RIMS2: variants seen among roughly 807,000 people sequenced by gnomAD.
RIMS2 encodes the protein regulating synaptic membrane exocytosis 2.
A neutral mutation model predicts 174.4 loss-of-function variants in RIMS2; 59 were observed. The observed-to-expected ratio is 0.34, with a 90% CI of 0.27 to 0.42. RIMS2 has a LOEUF of 0.42. Ranked by LOEUF, RIMS2 falls within the 10% of genes least tolerant of loss-of-function variation. The probability of loss-of-function intolerance (pLI) is 1.00; values close to 1 mark genes in which losing one functional copy is unlikely to be tolerated. For synonymous variants in RIMS2, 606 were observed against 572.5 expected, an observed-to-expected ratio of 1.06 and a Z score of -0.84; for missense variants, 1,620 against 1,666.3, an observed-to-expected ratio of 0.97 and a Z score of 0.48.
At chr8:104,178,416 A>G (rs1169859605) in intron 19 of RIMS2, among the ~76,000 whole-genome samples, 2 of 152,102 alleles carry the variant, frequency 1.3e-5, no homozygotes, top group Non-Finnish European at 2.9e-5. Context: ...TTGTGTTTTC[A>G]GCCTCTAATC....
chr8:103,746,761 A>G (rs1591539027), intron 2 of RIMS2, among the ~76,000 whole-genome samples: 1 of 151,298 alleles, frequency 6.6e-6, no homozygotes, highest in African/African-American at 2.4e-5. Flanking sequence ...GCTCACTGCA[A>G]CCTCCGCCTC....
intron 19 of RIMS2, among the ~76,000 whole-genome samples, chr8:104,082,278 C>T (rs138815585): frequency 6.6e-6 from 1 of 152,164 alleles, no homozygotes; most frequent in Admixed American, 6.6e-5. Flanking sequence ...GGCAGGCTAG[C>T]ATATCCTTTC....
chr8:103,610,695 G>T (rs531840133), intron 1 of RIMS2, among the ~76,000 whole-genome samples: 1 of 152,278 alleles, frequency 6.6e-6, no homozygotes, highest in African/African-American at 2.4e-5. Flanking sequence ...GATTGTGGTG[G>T]AGTAGCTTTT....
downstream of RIMS2, chr8:104,252,611 A>T (rs1166547210): frequency 6.6e-6 from 1 of 151,932 alleles, no homozygotes; most frequent in Non-Finnish European, 1.5e-5. Context: ...GCATGGTTTT[A>T]AAAAGGAGAG....
At chr8:103,864,647 G>C (rs1594110645) in intron 3 of RIMS2, among the ~76,000 whole-genome samples, 1 of 152,318 alleles carries the variant, frequency 6.6e-6, no homozygotes, top group African/African-American at 2.4e-5. Flanking sequence ...AGCACTTGCT[G>C]TGTGCTAGGC....
At chr8:104,244,208 C>T (rs1326925970) in intron 19 of RIMS2, among the ~76,000 whole-genome samples, 1 of 152,078 alleles carries the variant, frequency 6.6e-6, no homozygotes, top group Non-Finnish European at 1.5e-5. Flanking sequence ...ATCACATCAC[C>T]AAACTATTAA....
At chr8:103,754,918 C>A (rs768057115) in intron 2 of RIMS2, among the ~76,000 whole-genome samples, 4 of 152,098 alleles carry the variant, frequency 2.6e-5, no homozygotes, top group Admixed American at 1.3e-4. Context: ...GCACCTTTAG[C>A]CCGTTTTACA....
chr8:103,794,633 A>C (rs2098534702), intron 3 of RIMS2, among the ~76,000 whole-genome samples: 1 of 152,230 alleles, frequency 6.6e-6, no homozygotes, highest in African/African-American at 2.4e-5. Context: ...AACCACCATC[A>C]GAGTGAAGAG....
chr8:104,211,862 G>T (rs1301052432), intron 19 of RIMS2, among the ~76,000 whole-genome samples: 1 of 152,130 alleles, frequency 6.6e-6, no homozygotes, highest in African/African-American at 2.4e-5. Context: ...GAATATCTTG[G>T]GGGCAAGAGT....
At chr8:103,961,260 C>T in intron 15 of RIMS2, 127 bp downstream of exon 17, 2 of 593,434 alleles carry the variant, frequency 3.4e-6, no homozygotes, top group Admixed American at 3.0e-5. Context: ...CAGCCTATGG[C>T]AACCTATGAC....
downstream of RIMS2, chr8:104,254,589 A>T (rs1033157770): frequency 3.3e-5 from 5 of 152,180 alleles, no homozygotes; most frequent in African/African-American, 1.2e-4. Context: ...TCAGTAGAGC[A>T]TTTCTTTAAA....
At chr8:104,140,700 T>C (rs1209858374) in intron 19 of RIMS2, among the ~76,000 whole-genome samples, 1 of 152,192 alleles carries the variant, frequency 6.6e-6, no homozygotes, top group Non-Finnish European at 1.5e-5. Flanking sequence ...GCAGGTACCA[T>C]TTCAGCCCCC....
intron 19 of RIMS2, among the ~76,000 whole-genome samples, chr8:104,061,118 A>G (rs1053338652): frequency 6.6e-6 from 1 of 152,070 alleles, no homozygotes; most frequent in Non-Finnish European, 1.5e-5. Flanking sequence ...CAATTCCTGG[A>G]TATCCTTGTT....
chr8:103,837,356 C>G (rs1040575788), intron 3 of RIMS2, among the ~76,000 whole-genome samples: 1 of 152,210 alleles, frequency 6.6e-6, no homozygotes, highest in Non-Finnish European at 1.5e-5. Context: ...TAGCTGGGGA[C>G]AGCTCTCAGC....
At chr8:103,641,840 G>A (rs1797676725) in intron 1 of RIMS2, among the ~76,000 whole-genome samples, 1 of 151,988 alleles carries the variant, frequency 6.6e-6, no homozygotes, top group African/African-American at 2.4e-5. Context: ...GCAACTTGAG[G>A]CCCTCATCTG....
In RIMS2 at chr8:103,695,131, G is replaced by A. The variant is rs549693899; in HGVS notation, c.177-1955G>A. Reference sequence around the variant, plus strand: ...TTTATGCTGTGTTGTCTGTGGTTGGGGAGGGATGAACAGGAAATGTTAAAC... The same window carrying A: ...TTTATGCTGTGTTGTCTGTGGTTGGAGAGGGATGAACAGGAAATGTTAAAC... On this transcript the variant is annotated intron_variant, in intron 1 of 23. Transcript: ENST00000504942. Among the ~76,000 whole-genome samples, 9 of 152,304 alleles carry A rather than the reference G, an allele frequency of 5.9e-5. No individual in the cohort carries two copies. In the East Asian group the frequency reaches 1.7e-3, roughly 29 times the overall value.
chr8:104,168,619 C>T (rs1221345654), intron 19 of RIMS2, among the ~76,000 whole-genome samples: 1 of 151,998 alleles, frequency 6.6e-6, no homozygotes, highest in African/African-American at 2.4e-5. Flanking sequence ...GTTTGACTTC[C>T]TCTTTTCCAA....
At chr8:103,641,605 T>G (rs971323191) in intron 1 of RIMS2, among the ~76,000 whole-genome samples, 3 of 152,088 alleles carry the variant, frequency 2.0e-5, no homozygotes, top group African/African-American at 7.2e-5. Flanking sequence ...TATGGTAGTG[T>G]TGGGAAGTAG....
At position 103,808,554 on chromosome 8, in the gene RIMS2, G is replaced by GTCTTGCATGCACCTCAAAT. The variant is rs2098665772; in HGVS notation, c.698+42020_698+42038dup. Among the ~76,000 whole-genome samples the GTCTTGCATGCACCTCAAAT allele has an allele frequency of 2.0e-5, 3 of 152,018 alleles. No individual in the cohort carries two copies. The South Asian group carries it at 6.2e-4, about 32-fold the overall frequency. ...TGCTTACTTCTCTGTCTTGTTAGCT[G>GTCTTGCATGCACCTCAAAT]TCTTGCATGCACCTCAAATTCAGCA... is the stretch of plus-strand genomic sequence containing the variant. On this transcript the variant is annotated intron_variant, in intron 3 of 23. Coordinates refer to ENST00000504942, the Ensembl canonical transcript of RIMS2.
Sources: allele counts gnomAD v4.1 joint callset (sites outside exome capture counted in the v4.1 genomes callset), GRCh38; gene constraint gnomAD v4.1.1; transcripts MANE v1.5; gene names NCBI Gene and HGNC (gene_info 2026-07-23, HGNC 2026-07-21).